Variants in ACOX3 observed in about 807,000 individuals in gnomAD.
The protein encoded by ACOX3 is peroxisomal acyl-coenzyme A oxidase 3.
ACOX3 carries 73 observed loss-of-function variants against 81.5 expected under a neutral mutation model. The observed-to-expected ratio is 0.90, with a 90% CI of 0.74 to 1.09. The LOEUF (loss-of-function observed/expected upper bound fraction) is 1.09. Among genes scored for constraint, ACOX3 ranks in the 50% least tolerant of loss-of-function variants. The pLI is 0.00. For missense variants in ACOX3, 947 were observed against 928.0 expected (o/e 1.02, Z -0.27); for synonymous variants, 387 against 375.1 (o/e 1.03, Z -0.37).
intron 1 of ACOX3, among the ~76,000 whole-genome samples, chr4:8,438,518 C>T (rs748643099): frequency 1.3e-5 from 2 of 152,102 alleles, no homozygotes; most frequent in Non-Finnish European, 2.9e-5. Context: ...GTTCGGTCGG[C>T]CACCCCCAAA....
At chr4:8,369,308 G>A (rs960624901) in intron 17 of ACOX3, among the ~76,000 whole-genome samples, 9 of 152,078 alleles carry the variant, frequency 5.9e-5, no homozygotes, top group Non-Finnish European at 1.3e-4. Context: ...CAGGAAGGTG[G>A]GTAGGGCAAG....
rs747950542 is a variant in ACOX3, at chr4:8,375,033, G to A, written c.1773C>T (p.Leu591=). Residue 591 remains leucine, a synonymous_variant, in exon 15 of 18, where the codon CTC becomes CTT. Coordinates refer to ENST00000356406, the MANE Select transcript of ACOX3 (RefSeq NM_003501.3). ...GGGACCACAGGGCGTACAGAGCACT[G>A]AGCCGCCCCAGCACGGCCCGCAGCG... ...PPSLRAVLGR[L]SALYALWSLS... 69 of 1,555,124 alleles carry A rather than the reference G, an allele frequency of 4.4e-5. No individual in the cohort carries two copies. Among genetic ancestry groups the A allele is most frequent in the Non-Finnish European group, 5.7e-5 (66 of 1,149,168 alleles).
At chr4:8,403,958 A>G (rs1227533938) in intron 7 of ACOX3, among the ~76,000 whole-genome samples, 1 of 152,176 alleles carries the variant, frequency 6.6e-6, no homozygotes, top group Non-Finnish European at 1.5e-5. Flanking sequence ...CACACATAGG[A>G]CACTTCAGTA....
chr4:8,396,478 A>C (rs1451209095), intron 9 of ACOX3, among the ~76,000 whole-genome samples: 1 of 151,978 alleles, frequency 6.6e-6, no homozygotes, highest in Non-Finnish European at 1.5e-5. Context: ...GGAGTTCGAG[A>C]CCGGCCTGGC....
the ACOX3 span, among the ~76,000 whole-genome samples, chr4:8,361,022 A>T: frequency 6.6e-6 from 1 of 152,218 alleles, no homozygotes; most frequent in Non-Finnish European, 1.5e-5. Flanking sequence ...TGCTAAAAAA[A>T]ACAGTTTTAC....
rs1248360480 is a variant in ACOX3 at position 8,437,737 on chromosome 4, G to C, written c.-15+2911C>G. On this transcript the variant is annotated intron_variant, in intron 1 of 17. Coordinates refer to ENST00000356406, the MANE Select transcript of ACOX3 (RefSeq NM_003501.3). This position sits in a 1 kb window ranked among gnomAD's most constrained non-coding sequence, Gnocchi z 5.2. ...AAGAAAGGACACTAGAAGGGTGAAT[G>C]TTCAGAAGGCAATAAAAGAAATGGC... 1.3e-5 allele frequency among the ~76,000 whole-genome samples: 2 copies of C among 152,220 alleles called. No homozygotes were observed. The highest frequency in any genetic ancestry group is 2.9e-5 in the Non-Finnish European group (2 of 68,036).
chr4:8,377,913 A>G (rs961867219), intron 14 of ACOX3, among the ~76,000 whole-genome samples: 1 of 152,128 alleles, frequency 6.6e-6, no homozygotes, highest in Non-Finnish European at 1.5e-5. Flanking sequence ...CACGGCACCC[A>G]GACACATCCG....
the ACOX3 span, chr4:8,357,094 A>T: frequency 1.8e-5 from 8 of 456,502 alleles, no homozygotes; most frequent in Non-Finnish European, 3.5e-5. Flanking sequence ...CTGGCAGGTG[A>T]GAGGAAGAAA....
chr4:8,412,814 C>T (rs879345974), intron 5 of ACOX3, among the ~76,000 whole-genome samples: 1 of 151,994 alleles, frequency 6.6e-6, no homozygotes, highest in Non-Finnish European at 1.5e-5. Flanking sequence ...TCCCTCGCTG[C>T]CCTGCGCCCC....
intron 14 of ACOX3, among the ~76,000 whole-genome samples, chr4:8,378,000 A>G (rs1289296195): frequency 6.6e-6 from 1 of 152,036 alleles, no homozygotes; most frequent in African/African-American, 2.4e-5. Flanking sequence ...CTTCTGGACC[A>G]CCTCAGCTGC....
At position 8,414,236 on chromosome 4, in the gene ACOX3, A is replaced by T. The variant is rs980950975; in HGVS notation, c.543+56T>A. 2.2e-5 allele frequency: 32 copies of T among 1,433,928 alleles called. No individual in the cohort carries two copies. In the East Asian group the frequency reaches 7.3e-4, roughly 33 times the overall value. 88.8% of individuals were successfully genotyped at this position (1,433,928 alleles called of 1,614,324 possible). On this transcript the variant is annotated intron_variant, in intron 5 of 17. Coordinates refer to ENST00000356406, the MANE Select transcript of ACOX3 (RefSeq NM_003501.3). The surrounding 1 kb of genome is among the most constrained non-coding windows in gnomAD (Gnocchi z 6.1). ...TCTTATTCTGGGCAACGGCATTTGC[A>T]CTCATGACGTCTCATATGCTCCAAA...
rs374414224 is a variant in ACOX3, at chr4:8,374,927, C to A, written c.1828+51G>T. 2.3e-4 allele frequency: 339 copies of A among 1,454,134 alleles called. 3 individuals carry two copies. In the East Asian group the frequency reaches 7.7e-3, roughly 33 times the overall value. 90.1% of individuals were successfully genotyped at this position (1,454,134 alleles called of 1,614,324 possible). A position where few individuals can be genotyped will look rare whatever the true frequency, so the allele number is the denominator to read the frequency against. On this transcript the variant is annotated intron_variant, in intron 15 of 17. Transcript: ENST00000356406. ...AGGAAGCAGCTTCCTAGATACAACACGGGGGCCCTGACTCTGGGGAGGACA... is the reference window on the plus strand; with the variant it reads ...AGGAAGCAGCTTCCTAGATACAACAAGGGGGCCCTGACTCTGGGGAGGACA...
rs771754272 is a variant in ACOX3, at chr4:8,416,337, A to T, written c.144+41T>A. ...CATTCTGCTAACGAACTAAGACCCC[A>T]CTGGGAAAAAAGACAAGCTGCGCAC... On this transcript the variant is annotated intron_variant, in intron 2 of 17. Transcript: ENST00000356406. The surrounding 1 kb of genome is among the most constrained non-coding windows in gnomAD (Gnocchi z 4.2). 5.0e-6 allele frequency: 8 copies of T among 1,613,462 alleles called. No homozygotes were observed. The African/African-American group carries it at 8.0e-5, about 16-fold the overall frequency.
At position 8,383,308 on chromosome 4, in the gene ACOX3, C is replaced by T. The variant is rs568846867; in HGVS notation, c.1538-1701G>A. On this transcript the variant is annotated intron_variant, in intron 13 of 17. Transcript: ENST00000356406. ...TCGCCAAGTCCTGCCAGGCATGGGGCGCTGAATGGTGGCCCCAACTGACCC... is the reference window on the plus strand; with the variant it reads ...TCGCCAAGTCCTGCCAGGCATGGGGTGCTGAATGGTGGCCCCAACTGACCC... 4.5e-4 allele frequency among the ~76,000 whole-genome samples: 68 copies of T among 152,356 alleles called. No homozygotes were observed. The South Asian group carries it at 0.014, about 31-fold the overall frequency.
At chr4:8,424,371 T>C (rs1222115660) in intron 1 of ACOX3, among the ~76,000 whole-genome samples, 5 of 152,234 alleles carry the variant, frequency 3.3e-5, no homozygotes, top group Admixed American at 2.6e-4. Flanking sequence ...AAGACTTTTC[T>C]TTATGTGTCA....
chr4:8,398,688 C>T (rs1720001813), intron 8 of ACOX3, among the ~76,000 whole-genome samples: 1 of 152,148 alleles, frequency 6.6e-6, no homozygotes, highest in South Asian at 2.1e-4. Context: ...ATTGCCCAGG[C>T]TGGTCTGGAA....
chr4:8,424,105 G>A (rs746115515), intron 1 of ACOX3, among the ~76,000 whole-genome samples: 2 of 152,208 alleles, frequency 1.3e-5, no homozygotes, highest in African/African-American at 2.4e-5. Flanking sequence ...CCTCAGTGAG[G>A]AATGCATCCA....
At chr4:8,377,298 G>A (rs1159189864) in intron 14 of ACOX3, among the ~76,000 whole-genome samples, 4 of 152,238 alleles carry the variant, frequency 2.6e-5, no homozygotes, top group South Asian at 2.1e-4. Context: ...GTGTTAGAGC[G>A]GCACTGCTTC....
Position 8,370,307 on chromosome 4 carries a change from G to A in ACOX3, c.1983+601C>T, listed in dbSNP as rs1028106282. 2.0e-5 allele frequency among the ~76,000 whole-genome samples: 3 copies of A among 152,168 alleles called. No individual in the cohort carries two copies. The highest frequency in any genetic ancestry group is 4.8e-5 in the African/African-American group (2 of 41,568). Reference sequence around the variant, plus strand: ...TTCAGTGGCTGTGTGGGGCTGGGGCGTGGCAGGCAGTCGAGGAGGCTGGTG... The same window carrying A: ...TTCAGTGGCTGTGTGGGGCTGGGGCATGGCAGGCAGTCGAGGAGGCTGGTG... On this transcript the variant is annotated intron_variant, in intron 17 of 17. Coordinates refer to ENST00000356406, the MANE Select transcript of ACOX3 (RefSeq NM_003501.3). The surrounding 1 kb of genome is among the most constrained non-coding windows in gnomAD (Gnocchi z 6.3).
Sources: gnomAD v4.1 joint callset for allele counts (sites outside exome capture counted in the v4.1 genomes callset) on GRCh38, gnomAD v4.1.1 for gene constraint, Gnocchi (gnomAD v3.1) non-coding constraint, MANE v1.5 for transcripts, NCBI Gene and HGNC (gene_info 2026-07-23, HGNC 2026-07-21) for gene names.